The following MAP3K13 variants were observed in gnomAD, a reference collection of about 807,000 sequenced individuals.
The protein encoded by MAP3K13 is mitogen-activated protein kinase kinase kinase 13.
A neutral mutation model predicts 104.0 loss-of-function variants in MAP3K13; 52 were observed. The observed-to-expected ratio is 0.50, with a 90% CI of 0.40 to 0.63. The LOEUF (loss-of-function observed/expected upper bound fraction) is 0.63, where lower values mean the gene tolerates loss of function less well. Among genes scored for constraint, MAP3K13 ranks in the 20% least tolerant of loss-of-function variants. MAP3K13 has a pLI of 0.00. For synonymous variants in MAP3K13, 394 were observed against 442.2 expected, an observed-to-expected ratio of 0.89 and a Z score of 1.37; for missense variants, 914 against 1,218.5, an observed-to-expected ratio of 0.75 and a Z score of 3.72.
At chr3:185,470,890 T>A (rs1160087907) in intron 10 of MAP3K13, among the ~76,000 whole-genome samples, 2 of 152,240 alleles carry the variant, frequency 1.3e-5, no homozygotes, top group African/African-American at 4.8e-5. Context: ...AGTGATGATA[T>A]CAGCCATTTA....
chr3:185,473,548 G>A lies in MAP3K13; in HGVS notation c.2217G>A (p.Gln739=). The change falls in exon 11 of 14, where the codon CAG becomes CAA. Residue 739 remains glutamine, a synonymous_variant. Transcript: ENST00000265026. The surrounding 1 kb of genome is among the most constrained non-coding windows in gnomAD (Gnocchi z 4.9). ...YDPCLQCRPE[Q]YGSLDIPSAE... ...CCTGCCTTCAGTGCAGGCCAGAACA[G>A]TATGGGTCCTTAGACATACCCTCTG... 2 of 1,614,218 alleles carry A rather than the reference G, an allele frequency of 1.2e-6. No individual in the cohort carries two copies. Among genetic ancestry groups the A allele is most frequent in the Non-Finnish European group, 1.7e-6 (2 of 1,180,052 alleles).
At chr3:185,329,530 G>C (rs1722167791) in intron 2 of MAP3K13, among the ~76,000 whole-genome samples, 1 of 152,240 alleles carries the variant, frequency 6.6e-6, no homozygotes, top group Admixed American at 6.5e-5. Flanking sequence ...TTGTAAAACA[G>C]AAGTGGCAAG....
At chr3:185,374,999 G>A (rs1175551909) in intron 1 of MAP3K13, among the ~76,000 whole-genome samples, 2 of 152,172 alleles carry the variant, frequency 1.3e-5, no homozygotes, top group Non-Finnish European at 2.9e-5. Flanking sequence ...TGTCACTGAA[G>A]ATCTTCTATC....
At chr3:185,398,495 G>C (rs981781211) in intron 1 of MAP3K13, among the ~76,000 whole-genome samples, 1 of 152,054 alleles carries the variant, frequency 6.6e-6, no homozygotes, top group African/African-American at 2.4e-5. Flanking sequence ...AACTAATTGC[G>C]TTTGTGGCTA....
chr3:185,407,651 C>T (rs560742801), intron 1 of MAP3K13, among the ~76,000 whole-genome samples: 1 of 152,108 alleles, frequency 6.6e-6, no homozygotes, highest in Non-Finnish European at 1.5e-5. Context: ...TGCGTTTTGC[C>T]AATTTCAGCG....
At chr3:185,470,443 G>T (rs955079642) in intron 10 of MAP3K13, among the ~76,000 whole-genome samples, 2 of 152,182 alleles carry the variant, frequency 1.3e-5, no homozygotes, top group African/African-American at 4.8e-5. Context: ...TTGAAAACAG[G>T]ACTGTGAAAG....
intron 3 of MAP3K13, among the ~76,000 whole-genome samples, chr3:185,438,882 TG>T (rs1186146231): frequency 3.3e-5 from 5 of 152,222 alleles, no homozygotes; most frequent in Non-Finnish European, 7.3e-5. Context: ...ATATTTGATA[TG>T]TATTTTGCAT....
In MAP3K13 at chr3:185,385,297, T is replaced by G. The variant is rs1434696080; in HGVS notation, c.-86+21929T>G. Reference sequence around the variant, plus strand: ...TCCCGAGTGGCTGGGATTACAGGCATGCACCACCATGTCCAACTAATTTTT... The same window carrying G: ...TCCCGAGTGGCTGGGATTACAGGCAGGCACCACCATGTCCAACTAATTTTT... On this transcript the variant is annotated intron_variant, in intron 1 of 13. Transcript: ENST00000265026. Among the ~76,000 whole-genome samples, 5 of 152,258 alleles carry G rather than the reference T, an allele frequency of 3.3e-5. No individual in the cohort carries two copies. In the East Asian group the frequency reaches 7.7e-4, roughly 24 times the overall value.
chr3:185,353,183 A>G (rs916678103), intron 2 of MAP3K13, among the ~76,000 whole-genome samples: 1 of 152,230 alleles, frequency 6.6e-6, no homozygotes, highest in Non-Finnish European at 1.5e-5. Flanking sequence ...AGAGATGACT[A>G]TAGTGCTGGG....
chr3:185,355,738 C>T (rs1430138039), intron 2 of MAP3K13, among the ~76,000 whole-genome samples: 1 of 151,788 alleles, frequency 6.6e-6, no homozygotes, highest in Non-Finnish European at 1.5e-5. Context: ...CTTTTATAAC[C>T]TTTGAATAGA....
intron 2 of MAP3K13, among the ~76,000 whole-genome samples, chr3:185,302,091 A>G: frequency 6.6e-6 from 1 of 152,138 alleles, no homozygotes; most frequent in East Asian, 1.9e-4. Context: ...AGGTCCCTCT[A>G]GGTAGTATGG....
chr3:185,417,653 G>C (rs1247556471), intron 1 of MAP3K13: 7 of 1,611,940 alleles, frequency 4.3e-6, no homozygotes, highest in African/African-American at 2.7e-5. Context: ...CCTACCACAG[G>C]CTTCTTGCCT....
intron 2 of MAP3K13, among the ~76,000 whole-genome samples, chr3:185,432,078 C>A (rs1204899577): frequency 2.0e-5 from 3 of 150,966 alleles, no homozygotes; most frequent in Non-Finnish European, 4.4e-5. Context: ...TTGCTAACAG[C>A]ATTATTATGT....
chr3:185,478,270 G>A (rs1718243284), intron 12 of MAP3K13, among the ~76,000 whole-genome samples: 1 of 152,092 alleles, frequency 6.6e-6, no homozygotes, highest in African/African-American at 2.4e-5. Flanking sequence ...TAGAGAATAA[G>A]ATAGTTTTCC....
intron 2 of MAP3K13, among the ~76,000 whole-genome samples, chr3:185,330,316 A>G (rs1442638172): frequency 6.6e-6 from 1 of 150,564 alleles, no homozygotes; most frequent in Non-Finnish European, 1.5e-5. Flanking sequence ...CTGTTTCTCT[A>G]TCCTGCTTCT....
rs1419964390 is a variant in MAP3K13, at chr3:185,484,405, C to T, written c.*1949C>T. The T allele has an allele frequency of 2.0e-5, 3 of 152,188 alleles. No individual in the cohort carries two copies. The East Asian group carries it at 5.8e-4, about 29-fold the overall frequency. The allele number at this position is 152,188 out of a possible 1,614,324, so 9.4% of individuals were successfully genotyped here. A position where few individuals can be genotyped will look rare whatever the true frequency, so the allele number is the denominator to read the frequency against. ...TCCAAGACAGATTACCGTCAAACAA[C>T]CTCTCTAGATTCACTGGACTCTTTG... On this transcript the variant is annotated 3_prime_UTR_variant, in exon 14 of 14. Transcript: ENST00000265026.
At chr3:185,417,551 C>T in intron 1 of MAP3K13, 3 of 1,611,358 alleles carry the variant, frequency 1.9e-6, no homozygotes, top group Non-Finnish European at 2.5e-6. Context: ...GGCTTCTTTT[C>T]AGGGGCTGGT....
At chr3:185,409,229 G>A (rs1166420134) in intron 1 of MAP3K13, among the ~76,000 whole-genome samples, 4 of 152,118 alleles carry the variant, frequency 2.6e-5, no homozygotes, top group African/African-American at 4.8e-5. Flanking sequence ...TTAGCCAGGC[G>A]TGGTGGTGTG....
intron 1 of MAP3K13, among the ~76,000 whole-genome samples, chr3:185,375,322 G>A (rs115557745): frequency 9.1e-4 from 138 of 151,884 alleles, no homozygotes; most frequent in African/African-American, 3.1e-3. Context: ...GCAAATCCCC[G>A]AACTTGATGT....
Sources: allele counts gnomAD v4.1 joint callset (sites outside exome capture counted in the v4.1 genomes callset), GRCh38; gene constraint gnomAD v4.1.1; non-coding constraint Gnocchi (gnomAD v3.1); transcripts MANE v1.5; gene names NCBI Gene and HGNC (gene_info 2026-07-23, HGNC 2026-07-21).